CNTROB: variants seen among roughly 807,000 people sequenced by gnomAD.
The protein encoded by CNTROB is centrobin, centriole duplication and spindle assembly protein.
CNTROB carries 82 observed loss-of-function variants against 115.7 expected under a neutral mutation model. The ratio of observed to expected loss-of-function variants is 0.71; its 90% CI spans 0.59 to 0.85. CNTROB has a LOEUF of 0.85. CNTROB is among the 40% of genes least tolerant of loss of function. CNTROB has a pLI of 0.00. For missense variants in CNTROB, 1,014 were observed against 1,144.4 expected (o/e 0.89, Z 1.64); for synonymous variants, 439 against 456.4 (o/e 0.96, Z 0.49).
rs756816044 is a variant in CNTROB at position 7,948,682 on chromosome 17, G to GT, written c.2513+64dup. On this transcript the variant is annotated intron_variant, in intron 17 of 18. Transcript: ENST00000563694. This position sits in a 1 kb window ranked among gnomAD's most constrained non-coding sequence, Gnocchi z 4.4. ...TGGAAGCTGGATTATGGGGAGTGGA[G>GT]TGGGTGTGTTTTACACTGAATTGAA... 6.2e-7 allele frequency: 1 copy of GT among 1,614,034 alleles called. No homozygotes were observed. Among genetic ancestry groups the GT allele is most frequent in the South Asian group, 1.1e-5 (1 of 91,082 alleles).
Position 7,936,500 on chromosome 17 carries a change from T to C in CNTROB, c.711+18T>C, listed in dbSNP as rs779532102. 11 of 969,578 alleles carry C rather than the reference T, an allele frequency of 1.1e-5. No homozygotes were observed. The highest frequency in any genetic ancestry group is 1.0e-4 in the South Asian group (8 of 78,206). 60.1% of individuals were successfully genotyped at this position (969,578 alleles called of 1,614,324 possible). ...TGGACAAGGTACCAGGGTAGCAAAA[T>C]GTGGGTGGGTCTCTCCATGAAGAGC... On this transcript the variant is annotated intron_variant, in intron 5 of 18. Transcript: ENST00000563694.
At position 7,937,200 on chromosome 17, in the gene CNTROB, A is replaced by G. The variant is rs766526521; in HGVS notation, c.865A>G (p.Met289Val). Residue 289 changes from methionine (M) to valine (V), a missense_variant, in exon 7 of 19, where the codon ATG becomes GTG. Met to Val is a conservative substitution (Grantham distance 21, BLOSUM62 1). Transcript: ENST00000563694. ...TRLEQSLSEA[M>V]EALNREQESA... ...CCTGGAACAAAGCCTTTCTGAGGCC[A>G]TGGAGGCCCTGAATCGTGAGCAGGA... is the stretch of plus-strand genomic sequence containing the variant. 2 of 1,614,102 alleles carry G rather than the reference A, an allele frequency of 1.2e-6. No homozygotes were observed. Among genetic ancestry groups the G allele is most frequent in the African/African-American group, 2.7e-5 (2 of 74,952 alleles).
rs756794563 is a variant in CNTROB, at chr17:7,944,350, TCCTCTACATGGG to T, written c.1571+105_1572-112del. 1.8e-4 allele frequency: 277 copies of T among 1,549,856 alleles called. 2 individuals carry two copies. The highest frequency in any genetic ancestry group is 1.5e-3 in the South Asian group (138 of 89,384). ...AGCTGCTCCCTTGATTGATCTGTCC[TCCTCTACATGGG>T]CCCCAGCTCCTTTCAGAATATCAGA... On this transcript the variant is annotated intron_variant, in intron 11 of 18. Transcript: ENST00000563694. The surrounding 1 kb of genome is among the most constrained non-coding windows in gnomAD (Gnocchi z 4.0).
chr17:7,946,885 A>G (rs1310738580), intron 13 of CNTROB, among the ~76,000 whole-genome samples: 1 of 149,146 alleles, frequency 6.7e-6, no homozygotes, highest in Non-Finnish European at 1.5e-5. Context: ...AAAAAAAAAG[A>G]GATTACAGCT....
chr17:7,948,683 T>G lies in CNTROB; in HGVS notation c.2513+64T>G, dbSNP rs766481904. 1.1e-5 allele frequency: 17 copies of G among 1,613,342 alleles called. No homozygotes were observed. Among genetic ancestry groups the G allele is most frequent in the African/African-American group, 2.7e-5 (2 of 74,712 alleles). On this transcript the variant is annotated intron_variant, in intron 17 of 18. Transcript: ENST00000563694. The surrounding 1 kb of genome is among the most constrained non-coding windows in gnomAD (Gnocchi z 4.4). ...GGAAGCTGGATTATGGGGAGTGGAG[T>G]GGGTGTGTTTTACACTGAATTGAAT...
chr17:7,936,290 T>G (rs781186924), intron 4 of CNTROB, 76 bp from the exon 5 acceptor site: 2 of 777,328 alleles, frequency 2.6e-6, no homozygotes, highest in Admixed American at 3.4e-5. Flanking sequence ...ACTCCCCCAC[T>G]AGAGGAGCTG....
Position 7,943,591 on chromosome 17 carries a change from T to A in CNTROB, c.1445+67T>A, listed in dbSNP as rs149771263. 2.0e-5 allele frequency: 30 copies of A among 1,519,452 alleles called. No homozygotes were observed. The highest frequency in any genetic ancestry group is 2.2e-4 in the Middle Eastern group (1 of 4,630). The allele number at this position is 1,519,452 out of a possible 1,614,324, so 94.1% of individuals were successfully genotyped here. On this transcript the variant is annotated intron_variant, in intron 10 of 18. Coordinates refer to ENST00000563694, the MANE Select transcript of CNTROB (RefSeq NM_053051.5). This position sits in a 1 kb window ranked among gnomAD's most constrained non-coding sequence, Gnocchi z 4.7. ...ACGTATCGTTAGTGCCAGGCCTGTG[T>A]TCCCTTCAATCCCTTTGCCATGGTC...
In CNTROB at chr17:7,944,740, A is replaced by T. The variant is rs4791993; in HGVS notation, c.1734+102A>T. 6.5e-5 allele frequency: 90 copies of T among 1,379,452 alleles called. No individual in the cohort carries two copies. Among genetic ancestry groups the T allele is most frequent in the Non-Finnish European group, 5.1e-5 (52 of 1,025,450 alleles). 85.5% of individuals were successfully genotyped at this position (1,379,452 alleles called of 1,614,324 possible). ...TTGCCCAGGCTGGAGTGTACTGGTG[A>T]GATCATAGCTCATTGCAGCCTCGAA... On this transcript the variant is annotated intron_variant, in intron 12 of 18. Transcript: ENST00000563694. The surrounding 1 kb of genome is among the most constrained non-coding windows in gnomAD (Gnocchi z 4.0).
chr17:7,943,679 G>T lies in CNTROB; in HGVS notation c.1445+155G>T, dbSNP rs1974182811. 2.5e-6 allele frequency: 2 copies of T among 791,812 alleles called. No individual in the cohort carries two copies. Among genetic ancestry groups the T allele is most frequent in the Admixed American group, 6.1e-5 (2 of 32,890 alleles). The allele number at this position is 791,812 out of a possible 1,614,324, so 49.0% of individuals were successfully genotyped here. On this transcript the variant is annotated intron_variant, in intron 10 of 18. Transcript: ENST00000563694. The surrounding 1 kb of genome is among the most constrained non-coding windows in gnomAD (Gnocchi z 4.7). ...GCTGGGACCTGAGTCTCTCTCGGGAGGGCTGCCTTCACGCGTTCATGGAGA... is the reference window on the plus strand; with the variant it reads ...GCTGGGACCTGAGTCTCTCTCGGGATGGCTGCCTTCACGCGTTCATGGAGA...
chr17:7,932,916 T>C lies in CNTROB; in HGVS notation c.-164T>C. 1 of 739,694 alleles carries C rather than the reference T, an allele frequency of 1.4e-6. No individual in the cohort carries two copies. The highest frequency in any genetic ancestry group is 2.2e-6 in the Non-Finnish European group (1 of 459,512). The allele number at this position is 739,694 out of a possible 1,614,324, so 45.8% of individuals were successfully genotyped here. A position where few individuals can be genotyped will look rare whatever the true frequency, so the allele number is the denominator to read the frequency against. ...GGCCCCTGGAACTGGTGGAAACCTT[T>C]CCTCTAACCAGAAAGCCTCGATATC... On this transcript the variant is annotated 5_prime_UTR_variant, in exon 1 of 19. Coordinates refer to ENST00000563694, the MANE Select transcript of CNTROB (RefSeq NM_053051.5).
At chr17:7,946,099 G>C in intron 13 of CNTROB, 113 bp downstream of exon 13, 1 of 918,738 alleles carries the variant, frequency 1.1e-6, no homozygotes, top group South Asian at 1.6e-5. Flanking sequence ...GATGCCTTTA[G>C]TGATCGCAAG....
chr17:7,942,551 C>T (rs1382513143), intron 9 of CNTROB, among the ~76,000 whole-genome samples: 4 of 134,666 alleles, frequency 3.0e-5, no homozygotes, highest in African/African-American at 8.4e-5. Context: ...GAGCCGAGAT[C>T]GCGCCACTGC....
intron 1 of CNTROB, 25 bp downstream of exon 1, chr17:7,933,374 C>T: frequency 6.3e-7 from 1 of 1,591,672 alleles, no homozygotes; most frequent in South Asian, 1.1e-5. Flanking sequence ...TCTTGGAGAC[C>T]ACTGTGGCAC....
In CNTROB at chr17:7,940,189, G is replaced by C. The variant is rs1355899861; in HGVS notation, c.1258G>C (p.Asp420His). 6.2e-7 allele frequency: 1 copy of C among 1,612,704 alleles called. No individual in the cohort carries two copies. Among genetic ancestry groups the C allele is most frequent in the Non-Finnish European group, 8.5e-7 (1 of 1,179,802 alleles). ...SEVRRLEGEL[D>H]TARRERDALQ... is the part of the protein sequence containing the mutation. The stretch of plus-strand genomic sequence containing the variant: ...GGTGCGGCGGCTGGAAGGAGAGCTG[G>C]ATACAGCTCGGAGAGAGAGAGATGC... Residue 420 changes from aspartate (D) to histidine (H), a missense_variant, in exon 9 of 19, where the codon GAT becomes CAT. Coordinates refer to ENST00000563694, the MANE Select transcript of CNTROB (RefSeq NM_053051.5).
In CNTROB at chr17:7,948,654, G is replaced by C; in HGVS notation, c.2513+35G>C. ...TGGGAGGAAGGAGGAAGGATTCTCC[G>C]GGTGGAAGCTGGATTATGGGGAGTG... On this transcript the variant is annotated intron_variant, in intron 17 of 18. Coordinates refer to ENST00000563694, the MANE Select transcript of CNTROB (RefSeq NM_053051.5). This position sits in a 1 kb window ranked among gnomAD's most constrained non-coding sequence, Gnocchi z 4.4. 1 of 1,614,116 alleles carries C rather than the reference G, an allele frequency of 6.2e-7. No individual in the cohort carries two copies. The highest frequency in any genetic ancestry group is 8.5e-7 in the Non-Finnish European group (1 of 1,180,016).
chr17:7,942,787 ATTTTTTTTTTTTT>A (rs71159534), intron 9 of CNTROB, among the ~76,000 whole-genome samples: 4 of 35,786 alleles, frequency 1.1e-4, no homozygotes, highest in Non-Finnish European at 2.0e-4. Context: ...TACTCAGGGT[ATTTTTTTTTTTTT>A]TTTTTTTTTT....
chr17:7,937,573 G>T (rs1339959269), intron 7 of CNTROB, among the ~76,000 whole-genome samples: 1 of 152,158 alleles, frequency 6.6e-6, no homozygotes, highest in Non-Finnish European at 1.5e-5. Flanking sequence ...GGAGGCCAAG[G>T]CAGGCAGATC....
chr17:7,937,878 T>C (rs964186773), intron 7 of CNTROB, among the ~76,000 whole-genome samples: 1 of 152,074 alleles, frequency 6.6e-6, no homozygotes, highest in South Asian at 2.1e-4. Flanking sequence ...TCAGTAGATA[T>C]ATGGTGGAAC....
Position 7,934,237 on chromosome 17 carries a change from T to A in CNTROB, c.355+15T>A. ...TACAGCCTATCGTGAGTAAGCCCCT[T>A]CCCTAGAACTATGAAGGAGAACCTA... On this transcript the variant is annotated intron_variant, in intron 2 of 18. Transcript: ENST00000563694. The A allele has an allele frequency of 6.2e-7, 1 of 1,610,736 alleles. No individual in the cohort carries two copies.
Sources: gnomAD v4.1 joint callset for allele counts (sites outside exome capture counted in the v4.1 genomes callset) on GRCh38, gnomAD v4.1.1 for gene constraint, Gnocchi (gnomAD v3.1) non-coding constraint, MANE v1.5 for transcripts, NCBI Gene and HGNC (gene_info 2026-07-23, HGNC 2026-07-21) for gene names.